The following ZBTB20 variants were observed in gnomAD, a reference collection of about 807,000 sequenced individuals.
ZBTB20 encodes zinc finger and BTB domain-containing protein 20.
Under a neutral mutation model 56.9 loss-of-function variants are expected in ZBTB20, and 9 were observed. The observed-to-expected ratio is 0.16, with a 90% CI of 0.10 to 0.28. ZBTB20 has a LOEUF of 0.28. Ranked by LOEUF, ZBTB20 falls within the 10% of genes least tolerant of loss-of-function variation. The pLI is 1.00. For missense variants in ZBTB20, 655 were observed against 1,003.0 expected, an observed-to-expected ratio of 0.65 and a Z score of 4.69; for synonymous variants, 417 against 420.7, an observed-to-expected ratio of 0.99 and a Z score of 0.11.
intron 1 of ZBTB20, among the ~76,000 whole-genome samples, chr3:115,126,760 G>A (rs926513265): frequency 1.4e-4 from 21 of 152,298 alleles, no homozygotes; most frequent in South Asian, 4.1e-4. Context: ...CAAAGTTTAA[G>A]ATAGTGGTTA....
chr3:114,446,913 T>C (rs2091307340), intron 7 of ZBTB20, among the ~76,000 whole-genome samples: 1 of 152,166 alleles, frequency 6.6e-6, no homozygotes, highest in Non-Finnish European at 1.5e-5. Context: ...ACAAGAGATA[T>C]TCAGTAATAT....
intron 6 of ZBTB20, among the ~76,000 whole-genome samples, chr3:114,554,269 A>C (rs2050927821): frequency 6.6e-6 from 1 of 152,206 alleles, no homozygotes; most frequent in Non-Finnish European, 1.5e-5. Flanking sequence ...TAAAAGAAAC[A>C]AAGCTTTCCC....
At chr3:114,921,913 CA>C (rs1480652583) in intron 3 of ZBTB20, among the ~76,000 whole-genome samples, 2 of 152,022 alleles carry the variant, frequency 1.3e-5, no homozygotes, top group African/African-American at 2.4e-5. Context: ...AAGAAAATTA[CA>C]GAGCAATATC....
intron 5 of ZBTB20, among the ~76,000 whole-genome samples, chr3:114,724,029 C>T (rs1000202620): frequency 2.0e-5 from 3 of 151,252 alleles, no homozygotes; most frequent in African/African-American, 4.9e-5. Flanking sequence ...CCACCGAGCC[C>T]GGCTAATTTT....
chr3:114,683,925 GT>G (rs1190231621), intron 6 of ZBTB20, among the ~76,000 whole-genome samples: 3 of 152,008 alleles, frequency 2.0e-5, no homozygotes, highest in Non-Finnish European at 4.4e-5. Context: ...AAGACTTGGG[GT>G]GGGGGGCAGT....
chr3:114,680,879 A>G (rs572314956), intron 6 of ZBTB20, among the ~76,000 whole-genome samples: 1 of 152,288 alleles, frequency 6.6e-6, no homozygotes, highest in East Asian at 1.9e-4. Flanking sequence ...GCCTCCACAC[A>G]GTCTTCAGGT....
intron 6 of ZBTB20, among the ~76,000 whole-genome samples, chr3:114,678,730 T>C (rs2061787473): frequency 6.6e-6 from 1 of 152,176 alleles, no homozygotes; most frequent in Non-Finnish European, 1.5e-5. Flanking sequence ...AGGTATATTG[T>C]ATTTATCCAG....
rs1443339414 is a variant in ZBTB20 at position 114,724,954 on chromosome 3, TA to T, written c.-342-31380del. Among the ~76,000 whole-genome samples, 4 of 152,294 alleles carry T rather than the reference TA, an allele frequency of 2.6e-5. No individual in the cohort carries two copies. In the East Asian group the frequency reaches 7.7e-4, roughly 29 times the overall value. Reference sequence around the variant, plus strand: ...TTAATGATCACCTGGAAATGATCATTAAAAATGCAAATTTCTGGGCTCCAAT... The same window carrying T: ...TTAATGATCACCTGGAAATGATCATTAAAATGCAAATTTCTGGGCTCCAAT... On this transcript the variant is annotated intron_variant, in intron 5 of 11. Coordinates refer to ENST00000675478, the MANE Select transcript of ZBTB20 (RefSeq NM_001348800.3).
chr3:114,825,685 A>G (rs1387316244), intron 4 of ZBTB20, among the ~76,000 whole-genome samples: 4 of 152,022 alleles, frequency 2.6e-5, no homozygotes, highest in African/African-American at 9.6e-5. Context: ...GGTTTAAAAT[A>G]CTGTGTACTG....
At chr3:115,131,988 C>T (rs1370319188) in intron 1 of ZBTB20, among the ~76,000 whole-genome samples, 1 of 152,048 alleles carries the variant, frequency 6.6e-6, no homozygotes, top group Non-Finnish European at 1.5e-5. Flanking sequence ...ACAAGTCCCT[C>T]CTCATTGCTT....
intron 3 of ZBTB20, among the ~76,000 whole-genome samples, chr3:114,919,369 T>C (rs1204040377): frequency 6.6e-6 from 1 of 151,834 alleles, no homozygotes; most frequent in Non-Finnish European, 1.5e-5. Flanking sequence ...AAAAATTGAA[T>C]AAAATACAAA....
At chr3:114,779,470 C>T (rs897369761) in intron 5 of ZBTB20, among the ~76,000 whole-genome samples, 3 of 152,150 alleles carry the variant, frequency 2.0e-5, no homozygotes, top group African/African-American at 7.2e-5. Flanking sequence ...ATAGAACTCA[C>T]GGCACCGAAG....
At chr3:115,080,808 G>C (rs1229668971) in intron 1 of ZBTB20, among the ~76,000 whole-genome samples, 3 of 152,032 alleles carry the variant, frequency 2.0e-5, no homozygotes, top group Non-Finnish European at 4.4e-5. Flanking sequence ...TGATTATAAA[G>C]TTCACTTGGA....
intron 4 of ZBTB20, among the ~76,000 whole-genome samples, chr3:114,815,542 G>A (rs932207923): frequency 5.3e-5 from 8 of 152,146 alleles, no homozygotes; most frequent in South Asian, 2.1e-4. Flanking sequence ...CTTAAGCAAC[G>A]GAAATATTTC....
At chr3:114,900,402 A>G (rs1321531658) in intron 3 of ZBTB20, 60 bp from the exon 4 acceptor site, 1 of 152,068 alleles carries the variant, frequency 6.6e-6, no homozygotes, top group Non-Finnish European at 1.5e-5. Context: ...ACCAGTATTT[A>G]TGTTGCAACA....
At chr3:114,558,076 T>C (rs1485831074) in intron 6 of ZBTB20, among the ~76,000 whole-genome samples, 13 of 152,040 alleles carry the variant, frequency 8.6e-5, no homozygotes, top group Non-Finnish European at 1.5e-5. Context: ...CTGATGTTCA[T>C]TCAAATTACA....
intron 3 of ZBTB20, among the ~76,000 whole-genome samples, chr3:114,910,362 A>G (rs767143392): frequency 5.3e-5 from 8 of 151,844 alleles, no homozygotes; most frequent in East Asian, 1.9e-4. Flanking sequence ...TAAATATAAA[A>G]TTTAATAAAC....
At chr3:114,666,178 A>G (rs771674960) in intron 6 of ZBTB20, among the ~76,000 whole-genome samples, 1 of 151,898 alleles carries the variant, frequency 6.6e-6, no homozygotes, top group Non-Finnish European at 1.5e-5. Context: ...TTTCCCTGTG[A>G]GAAGCCAAAA....
In ZBTB20 at chr3:114,323,603, A is replaced by AC. The variant is rs1206724573; in HGVS notation, c.*15401dup. 6.6e-6 allele frequency: 1 copy of AC among 152,246 alleles called. No homozygotes were observed. Among genetic ancestry groups the AC allele is most frequent in the Non-Finnish European group, 1.5e-5 (1 of 68,040 alleles). The allele number at this position is 152,246 out of a possible 1,614,324, so 9.4% of individuals were successfully genotyped here. Reference sequence around the variant, plus strand: ...GGAGGAGGCCAAGGCAAAGACTTCTACATCATATCAATTGGCTTCTTCACT... The same window carrying AC: ...GGAGGAGGCCAAGGCAAAGACTTCTACCATCATATCAATTGGCTTCTTCACT... On this transcript the variant is annotated 3_prime_UTR_variant, in exon 12 of 12. Coordinates refer to ENST00000675478, the MANE Select transcript of ZBTB20 (RefSeq NM_001348800.3).
Sources: allele counts gnomAD v4.1 joint callset (sites outside exome capture counted in the v4.1 genomes callset), GRCh38; gene constraint gnomAD v4.1.1; transcripts MANE v1.5; gene names NCBI Gene and HGNC (gene_info 2026-07-23, HGNC 2026-07-21).